Variants in AP2B1 observed in about 807,000 individuals in gnomAD.
The protein encoded by AP2B1 is AP-2 complex subunit beta.
Under a neutral mutation model 102.0 loss-of-function variants are expected in AP2B1, and 23 were observed. That is an observed-to-expected ratio of 0.23 (90% CI 0.16 to 0.32). AP2B1 has a LOEUF of 0.32. AP2B1 is among the 10% of genes least tolerant of loss of function. The pLI is 1.00. For synonymous variants in AP2B1, 381 were observed against 421.2 expected (o/e 0.90, Z 1.17); for missense variants, 541 against 1,157.4 (o/e 0.47, Z 7.73).
intron 12 of AP2B1, among the ~76,000 whole-genome samples, chr17:35,646,155 G>A (rs1267333973): frequency 6.6e-6 from 1 of 152,148 alleles, no homozygotes; most frequent in East Asian, 1.9e-4. Flanking sequence ...TATTGTTTTG[G>A]GACCTCTTCC....
At chr17:35,718,957 G>A (rs150288319) in intron 21 of AP2B1, among the ~76,000 whole-genome samples, 261 of 152,116 alleles carry the variant, frequency 1.7e-3, no homozygotes, top group African/African-American at 6.1e-3. Flanking sequence ...TTAGAATTCA[G>A]GTGTTTCTTG....
At chr17:35,714,780 C>G (rs1346432319) in intron 20 of AP2B1, among the ~76,000 whole-genome samples, 1 of 152,120 alleles carries the variant, frequency 6.6e-6, no homozygotes, top group African/African-American at 2.4e-5. Flanking sequence ...CTATATTTGA[C>G]CATCTTTTTT....
intron 5 of AP2B1, among the ~76,000 whole-genome samples, 153 bp from the exon 6 acceptor site, chr17:35,624,244 G>A (rs915391380): frequency 1.3e-5 from 2 of 152,082 alleles, no homozygotes; most frequent in Non-Finnish European, 2.9e-5. Flanking sequence ...TATATGTTTT[G>A]AAGTGATTTA....
rs1555595348 is a variant in AP2B1 at position 35,726,345 on chromosome 17, T to C, written c.*2646T>C. 1 of 151,630 alleles carries C rather than the reference T, an allele frequency of 6.6e-6. No homozygotes were observed. The highest frequency in any genetic ancestry group is 1.9e-4 in the East Asian group (1 of 5,162). The allele number at this position is 151,630 out of a possible 1,614,324, so 9.4% of individuals were successfully genotyped here. A position where few individuals can be genotyped will look rare whatever the true frequency, so the allele number is the denominator to read the frequency against. On this transcript the variant is annotated 3_prime_UTR_variant, in exon 22 of 22. Coordinates refer to ENST00000610402, the MANE Select transcript of AP2B1 (RefSeq NM_001030006.2). ...CCTCTGTTCTTATTGGGTCCTGTTT[T>C]TCGGGAGGGTGGGGGTTGGGGGAAG...
chr17:35,596,549 A>T (rs2073282557), intron 2 of AP2B1, among the ~76,000 whole-genome samples: 1 of 147,410 alleles, frequency 6.8e-6, no homozygotes. Flanking sequence ...AGGGGAGGTC[A>T]GGTTTTAATG....
At chr17:35,654,919 C>T (rs1286994746) in intron 13 of AP2B1, among the ~76,000 whole-genome samples, 1 of 152,056 alleles carries the variant, frequency 6.6e-6, no homozygotes, top group Non-Finnish European at 1.5e-5. Flanking sequence ...TGTCACTGGG[C>T]AGGCAGTGCC....
At chr17:35,717,373 G>A (rs782668518) in intron 21 of AP2B1, 24 bp downstream of exon 21, 13 of 1,613,852 alleles carry the variant, frequency 8.1e-6, no homozygotes, top group Non-Finnish European at 1.0e-5. Context: ...CAGAATGGGT[G>A]AGATGGATTA....
intron 18 of AP2B1, among the ~76,000 whole-genome samples, chr17:35,699,968 T>TG (rs2076211602): frequency 6.6e-6 from 1 of 152,046 alleles, no homozygotes; most frequent in Admixed American, 6.5e-5. Context: ...TGGTGGCACA[T>TG]GCGTGTAGTT....
chr17:35,618,952 A>T (rs572731140), intron 5 of AP2B1, among the ~76,000 whole-genome samples: 41 of 152,296 alleles, frequency 2.7e-4, no homozygotes, highest in African/African-American at 8.9e-4. Context: ...ATAAATCTAC[A>T]TGTCACCTTT....
At chr17:35,652,370 A>G (rs1314673404) in intron 13 of AP2B1, among the ~76,000 whole-genome samples, 4 of 152,220 alleles carry the variant, frequency 2.6e-5, no homozygotes, top group Non-Finnish European at 5.9e-5. Flanking sequence ...TACACCTCTC[A>G]TAGGAAACAA....
chr17:35,684,279 A>G (rs749749759), intron 18 of AP2B1, among the ~76,000 whole-genome samples: 2 of 152,198 alleles, frequency 1.3e-5, no homozygotes, highest in South Asian at 2.1e-4. Flanking sequence ...TAAGAGCTTA[A>G]GATAGAACAG....
chr17:35,655,356 G>C (rs372441475), intron 13 of AP2B1, among the ~76,000 whole-genome samples: 2 of 152,136 alleles, frequency 1.3e-5, no homozygotes, highest in African/African-American at 4.8e-5. Context: ...ACACTCCAGA[G>C]ATTACCACTG....
At chr17:35,708,926 A>C (rs1555586072) in intron 18 of AP2B1, among the ~76,000 whole-genome samples, 1 of 152,224 alleles carries the variant, frequency 6.6e-6, no homozygotes, top group Non-Finnish European at 1.5e-5. Context: ...GGTAGCAGCT[A>C]CTATTAATAA....
chr17:35,634,388 CTG>C (rs1190325671), intron 9 of AP2B1, among the ~76,000 whole-genome samples: 3 of 152,150 alleles, frequency 2.0e-5, no homozygotes, highest in Non-Finnish European at 4.4e-5. Flanking sequence ...GGGTGATTCT[CTG>C]TACTTCCTGT....
intron 5 of AP2B1, among the ~76,000 whole-genome samples, chr17:35,609,408 G>A (rs1428340001): frequency 6.6e-6 from 1 of 151,184 alleles, no homozygotes; most frequent in African/African-American, 2.4e-5. Flanking sequence ...GTGCAGTGGC[G>A]TGATCTCAGC....
intron 14 of AP2B1, among the ~76,000 whole-genome samples, chr17:35,667,734 C>G (rs1386759498): frequency 1.3e-5 from 2 of 151,948 alleles, no homozygotes; most frequent in Non-Finnish European, 2.9e-5. Flanking sequence ...GTTTTTCTTT[C>G]TTGCTGTTCT....
chr17:35,624,627 T>G, intron 6 of AP2B1, 40 bp downstream of exon 6: 1 of 1,581,960 alleles, frequency 6.3e-7, no homozygotes, highest in South Asian at 1.1e-5. Context: ...TAGTCTTGCC[T>G]GATGCAGTAA....
chr17:35,658,075 T>G (rs2142882409), intron 14 of AP2B1, among the ~76,000 whole-genome samples: 1 of 152,318 alleles, frequency 6.6e-6, no homozygotes, highest in Non-Finnish European at 1.5e-5. Flanking sequence ...TTTTAATGTT[T>G]AGTATCTTTT....
chr17:35,691,024 A>G (rs1473584413), intron 18 of AP2B1, among the ~76,000 whole-genome samples: 1 of 152,118 alleles, frequency 6.6e-6, no homozygotes, highest in Non-Finnish European at 1.5e-5. Flanking sequence ...TTTAAATCTC[A>G]CATAAACATT....
Sources: allele counts gnomAD v4.1 joint callset (sites outside exome capture counted in the v4.1 genomes callset), GRCh38; gene constraint gnomAD v4.1.1; transcripts MANE v1.5; gene names NCBI Gene and HGNC (gene_info 2026-07-23, HGNC 2026-07-21).